SRM: variants seen among roughly 807,000 people sequenced by gnomAD.
SRM encodes the protein putrescine aminopropyltransferase.
In SRM, 14 loss-of-function variants were observed where a neutral mutation model predicts 39.3. That is an observed-to-expected ratio of 0.36 (90% CI 0.24 to 0.56). The LOEUF (loss-of-function observed/expected upper bound fraction) is 0.56, where lower values mean the gene tolerates loss of function less well. Ranked by LOEUF, SRM falls within the 20% of genes least tolerant of loss-of-function variation. The pLI, the probability that SRM is intolerant of heterozygous loss-of-function variation, is 0.86. For missense variants in SRM, 244 were observed against 409.2 expected, an observed-to-expected ratio of 0.60 and a Z score of 3.48; for synonymous variants, 195 against 173.1, an observed-to-expected ratio of 1.13 and a Z score of -0.99.
rs1413591569 is a variant in SRM, at chr1:11,059,188, C to G, written c.288+37G>C. ...GAGCCCGGAGCACACCTGGGGCCGC[C>G]CCTCGTCCGGCACTGTTCCAGGGGA... On this transcript the variant is annotated intron_variant, in intron 2 of 7. Transcript: ENST00000376957. 3.7e-6 allele frequency: 6 copies of G among 1,612,380 alleles called. No individual in the cohort carries two copies. The African/African-American group carries it at 6.7e-5, about 18-fold the overall frequency.
chr1:11,054,773 G>A lies in SRM; in HGVS notation c.*92C>T. ...ACACTTGGTTGGTGGGCGAGAGCCA[G>A]CAGGAGGTCCGGCCCGGGGCTGGAG... On this transcript the variant is annotated 3_prime_UTR_variant, in exon 8 of 8. Transcript: ENST00000376957. The surrounding 1 kb of genome is among the most constrained non-coding windows in gnomAD (Gnocchi z 4.8). 3 of 1,493,916 alleles carry A rather than the reference G, an allele frequency of 2.0e-6. No individual in the cohort carries two copies. Among genetic ancestry groups the A allele is most frequent in the Non-Finnish European group, 2.7e-6 (3 of 1,118,684 alleles). The allele number at this position is 1,493,916 out of a possible 1,614,324, so 92.5% of individuals were successfully genotyped here.
chr1:11,059,770 G>A lies in SRM; in HGVS notation c.167+7C>T, dbSNP rs1412255546. The A allele has an allele frequency of 2.5e-6, 4 of 1,578,132 alleles. No homozygotes were observed. Among genetic ancestry groups the A allele is most frequent in the Middle Eastern group, 1.7e-4 (1 of 5,940 alleles). On this transcript the variant is annotated splice_region_variant and intron_variant, in intron 1 of 7. Transcript: ENST00000376957. Reference sequence around the variant, plus strand: ...AGGGGGCAGGCGCCTGCGGGCAGCGGCGGTACCTGCGGAAGACGAGGATGT... The same window carrying A: ...AGGGGGCAGGCGCCTGCGGGCAGCGACGGTACCTGCGGAAGACGAGGATGT...
chr1:11,056,474 T>C, intron 4 of SRM, 130 bp downstream of exon 4: 2 of 1,174,638 alleles, frequency 1.7e-6, no homozygotes, highest in Non-Finnish European at 2.4e-6. Context: ...AGGTAACAAA[T>C]GAGAAGGGAA....
chr1:11,055,968 G>GCCCCA (rs1234718095), intron 5 of SRM, 42 bp from the exon 6 acceptor site: 21 of 1,585,362 alleles, frequency 1.3e-5, no homozygotes, highest in Middle Eastern at 1.8e-4. Flanking sequence ...GGCCTGCCCT[G>GCCCCA]CCCCACCCCG....
At position 11,054,611 on chromosome 1, in the gene SRM, G is replaced by T; in HGVS notation, c.*254C>A. ...ATCTTTGCTATAAATACACGTGTTT[G>T]GTGAGTGAGGGGCAACAGAAGGCAG... On this transcript the variant is annotated 3_prime_UTR_variant, in exon 8 of 8. Coordinates refer to ENST00000376957, the MANE Select transcript of SRM (RefSeq NM_003132.3). The surrounding 1 kb of genome is among the most constrained non-coding windows in gnomAD (Gnocchi z 4.8). The T allele has an allele frequency of 3.7e-6, 2 of 543,148 alleles. No individual in the cohort carries two copies. Among genetic ancestry groups the T allele is most frequent in the Non-Finnish European group, 3.2e-6 (1 of 312,310 alleles). The allele number at this position is 543,148 out of a possible 1,614,324, so 33.6% of individuals were successfully genotyped here.
Position 11,055,571 on chromosome 1 carries a change from T to C in SRM, c.765+210A>G, listed in dbSNP as rs551014417. The stretch of plus-strand genomic sequence containing the variant: ...CTGGGACTACAGGCGCGCGCTGCCA[T>C]GCCTGGCTAATTTTTTTGTATTTTT... On this transcript the variant is annotated intron_variant, in intron 6 of 7. Coordinates refer to ENST00000376957, the MANE Select transcript of SRM (RefSeq NM_003132.3). 1.1e-4 allele frequency among the ~76,000 whole-genome samples: 16 copies of C among 152,212 alleles called. No homozygotes were observed. In the South Asian group the frequency reaches 1.2e-3, roughly 12 times the overall value.
At chr1:11,056,480 G>T in intron 4 of SRM, 124 bp downstream of exon 4, 1 of 1,230,438 alleles carries the variant, frequency 8.1e-7, no homozygotes, top group Non-Finnish European at 1.1e-6. Context: ...CAAATGAGAA[G>T]GGAAAAGTAC....
At chr1:11,055,752 A>AACC in intron 6 of SRM, 29 bp downstream of exon 6, 8 of 1,465,998 alleles carry the variant, frequency 5.5e-6, no homozygotes, top group Non-Finnish European at 5.6e-6. Context: ...CTTCCCCCCA[A>AACC]CCCCCACCCC....
chr1:11,057,097 T>G (rs1308302375), intron 3 of SRM, among the ~76,000 whole-genome samples: 1 of 151,994 alleles, frequency 6.6e-6, no homozygotes, highest in Non-Finnish European at 1.5e-5. Flanking sequence ...AACTCCTCGA[T>G]CCTCCCACCT....
At chr1:11,058,778 C>G (rs1638924052) in intron 3 of SRM, 22 bp downstream of exon 3, 1 of 1,588,780 alleles carries the variant, frequency 6.3e-7, no homozygotes, top group Non-Finnish European at 8.6e-7. Context: ...GGACTCAAAC[C>G]TGGCTCTACG....
intron 6 of SRM, 33 bp from the exon 7 acceptor site, chr1:11,055,117 G>C: frequency 6.5e-7 from 1 of 1,543,700 alleles, no homozygotes; most frequent in South Asian, 1.2e-5. Context: ...ATCAGGGGGG[G>C]CACTTTTTTT....
At chr1:11,059,185 C>G in intron 2 of SRM, 40 bp downstream of exon 2, 2 of 1,612,192 alleles carry the variant, frequency 1.2e-6, no homozygotes, top group Non-Finnish European at 1.7e-6. Flanking sequence ...CACCTGGGGC[C>G]GCCCCTCGTC....
In SRM at chr1:11,055,759, C is replaced by T. The variant is rs759541819; in HGVS notation, c.765+22G>A. ...ATGCCCACCTTCCCCCCAACCCCCA[C>T]CCCCAGACACCCCCATCTCACCGGG... On this transcript the variant is annotated intron_variant, in intron 6 of 7. Coordinates refer to ENST00000376957, the MANE Select transcript of SRM (RefSeq NM_003132.3). 5 of 1,542,540 alleles carry T rather than the reference C, an allele frequency of 3.2e-6. No homozygotes were observed. The South Asian group carries it at 4.8e-5, about 15-fold the overall frequency.
intron 3 of SRM, chr1:11,058,561 CAAAAAA>C (rs55958066): frequency 2.2e-4 from 41 of 183,332 alleles, no homozygotes; most frequent in Admixed American, 5.8e-4. Flanking sequence ...AACTCTGTCT[CAAAAAA>C]AAAAAAAAAA....
chr1:11,057,468 T>A (rs1161759057), intron 3 of SRM, among the ~76,000 whole-genome samples: 3 of 149,204 alleles, frequency 2.0e-5, no homozygotes, highest in Non-Finnish European at 3.0e-5. Context: ...CATTTTTTTT[T>A]TTTTTTTTTT....
At chr1:11,058,661 C>T (rs1236072931) in intron 3 of SRM, 139 bp downstream of exon 3, 4 of 689,678 alleles carry the variant, frequency 5.8e-6, no homozygotes, top group Non-Finnish European at 9.3e-6. Context: ...GGTTTTCCTA[C>T]TGAACCCTCC....
In SRM at chr1:11,055,100, G is replaced by A. The variant is rs761168845; in HGVS notation, c.766-16C>T. The A allele has an allele frequency of 1.3e-6, 2 of 1,591,062 alleles. No individual in the cohort carries two copies. Among genetic ancestry groups the A allele is most frequent in the South Asian group, 1.1e-5 (1 of 88,440 alleles). On this transcript the variant is annotated splice_polypyrimidine_tract_variant and intron_variant, in intron 6 of 7. Transcript: ENST00000376957. ...AGTTCGTGCTCTGGGGACCGGGCCAGGGGCACATCAGGGGGGGCACTTTTT... is the reference window on the plus strand; with the variant it reads ...AGTTCGTGCTCTGGGGACCGGGCCAAGGGCACATCAGGGGGGGCACTTTTT...
At chr1:11,059,506 G>A in intron 1 of SRM, 161 bp from the exon 2 acceptor site, 1 of 1,281,584 alleles carries the variant, frequency 7.8e-7, no homozygotes, top group Admixed American at 2.2e-5. Context: ...GCCGCCGGGT[G>A]GAGGCCGGGG....
chr1:11,055,982 C>G, intron 5 of SRM, 29 bp downstream of exon 5: 1 of 1,597,786 alleles, frequency 6.3e-7, no homozygotes, highest in East Asian at 2.2e-5. Context: ...CACCCCGCCC[C>G]GCCCCAGTGC....
Sources: allele counts gnomAD v4.1 joint callset (sites outside exome capture counted in the v4.1 genomes callset), GRCh38; gene constraint gnomAD v4.1.1; non-coding constraint Gnocchi (gnomAD v3.1); transcripts MANE v1.5; gene names NCBI Gene and HGNC (gene_info 2026-07-23, HGNC 2026-07-21).